The following CPEB4 variants were observed in gnomAD, a reference collection of about 807,000 sequenced individuals.
CPEB4 encodes the protein cytoplasmic polyadenylation element-binding protein 4.
A neutral mutation model predicts 72.5 loss-of-function variants in CPEB4; 12 were observed. That is an observed-to-expected ratio of 0.17 (90% CI 0.11 to 0.27). The LOEUF is 0.27. Among genes scored for constraint, CPEB4 ranks in the 10% least tolerant of loss-of-function variants. CPEB4 has a pLI of 1.00. For synonymous variants in CPEB4, 302 were observed against 326.3 expected (o/e 0.93, Z 0.80); for missense variants, 614 against 908.5 (o/e 0.68, Z 4.17).
At chr5:173,917,979 A>C (rs1756935453) in intron 2 of CPEB4, among the ~76,000 whole-genome samples, 1 of 152,226 alleles carries the variant, frequency 6.6e-6, no homozygotes, top group South Asian at 2.1e-4. Flanking sequence ...AAGTAATTCA[A>C]AGTAGCGTAA....
intron 1 of CPEB4, among the ~76,000 whole-genome samples, chr5:173,907,879 C>G (rs1347189185): frequency 1.3e-5 from 2 of 152,154 alleles, no homozygotes; most frequent in African/African-American, 4.8e-5. Context: ...GCACCATCAC[C>G]CTGTTGTGGT....
chr5:173,924,429 A>G (rs1757173652), intron 2 of CPEB4, among the ~76,000 whole-genome samples: 1 of 152,136 alleles, frequency 6.6e-6, no homozygotes, highest in African/African-American at 2.4e-5. Flanking sequence ...CTGAAGCTGA[A>G]ATATCCCCCA....
chr5:173,910,555 G>A lies in CPEB4; in HGVS notation c.1158G>A (p.Leu386=), dbSNP rs200768087. ...DRPRTFDMHS[L]ESSLIDIMRA... ...CCAGGACATTCGACATGCACTCACTGGAGAGTTCACTCATTGACATAATGA... is the reference window on the plus strand; with the variant it reads ...CCAGGACATTCGACATGCACTCACTAGAGAGTTCACTCATTGACATAATGA... Residue 386 remains leucine, a synonymous_variant, in exon 2 of 10, where the codon CTG becomes CTA. Coordinates refer to ENST00000265085, the MANE Select transcript of CPEB4 (RefSeq NM_030627.4). The A allele has an allele frequency of 1.6e-4, 258 of 1,613,620 alleles. No individual in the cohort carries two copies. Among genetic ancestry groups the A allele is most frequent in the Non-Finnish European group, 2.1e-4 (243 of 1,179,642 alleles).
At position 173,889,830 on chromosome 5, in the gene CPEB4, C is replaced by G; in HGVS notation, c.97C>G (p.His33Asp). Reference sequence around the variant, plus strand: ...CCATCCACATCTGCAGCCTCCACACCATCACCAAAATGCCACCCCCAGCCC... The same window carrying G: ...CCATCCACATCTGCAGCCTCCACACGATCACCAAAATGCCACCCCCAGCCC... ...RFHPHLQPPHHHQNATPSPAA... is the reference protein window; with the variant it reads ...RFHPHLQPPHDHQNATPSPAA... The change falls in exon 1 of 10, where the codon CAT (histidine) becomes GAT (aspartate). Residue 33 changes from histidine to aspartate, a missense_variant. By Grantham distance (81) the His-to-Asp change is moderately conservative. Around this residue, in one of 5 missense-constraint regions of CPEB4, gnomAD observed 458 missense variants for 548.6 expected, o/e 0.83. Transcript: ENST00000265085. 1 of 1,614,158 alleles carries G rather than the reference C, an allele frequency of 6.2e-7. No homozygotes were observed. Among genetic ancestry groups the G allele is most frequent in the Non-Finnish European group, 8.5e-7 (1 of 1,180,024 alleles).
At chr5:173,907,533 C>T (rs1013155626) in intron 1 of CPEB4, among the ~76,000 whole-genome samples, 16 of 152,128 alleles carry the variant, frequency 1.1e-4, no homozygotes, top group Non-Finnish European at 1.6e-4. Context: ...TCCTCCCCTC[C>T]CCCAAAAGAA....
At chr5:173,891,935 C>T (rs1020904369) in intron 1 of CPEB4, among the ~76,000 whole-genome samples, 5 of 151,332 alleles carry the variant, frequency 3.3e-5, no homozygotes, top group Non-Finnish European at 7.4e-5. Flanking sequence ...ATAACTTAGC[C>T]AAGGGTACAC....
rs570741084 is a variant in CPEB4, at chr5:173,923,024, T to C, written c.1208-9426T>C. On this transcript the variant is annotated intron_variant, in intron 2 of 9. Transcript: ENST00000265085. ...TAAGAGGAAAAGTAAGAACCCAGAG[T>C]ATTGATAGGAGAAAATAGGTAGTGG... 5.3e-5 allele frequency among the ~76,000 whole-genome samples: 8 copies of C among 152,280 alleles called. No individual in the cohort carries two copies. In the South Asian group the frequency reaches 1.7e-3, roughly 32 times the overall value.
chr5:173,948,587 G>A (rs1254548140), intron 5 of CPEB4, among the ~76,000 whole-genome samples: 1 of 152,138 alleles, frequency 6.6e-6, no homozygotes, highest in African/African-American at 2.4e-5. Context: ...ACATGATTCT[G>A]CTCATAGGAG....
intron 2 of CPEB4, among the ~76,000 whole-genome samples, chr5:173,911,830 G>A (rs11744026): frequency 6.6e-6 from 1 of 151,942 alleles, no homozygotes; most frequent in African/African-American, 2.4e-5. Context: ...GCCAGACATA[G>A]AGCTTTGCAC....
chr5:173,930,077 A>T (rs1369761063), intron 2 of CPEB4, among the ~76,000 whole-genome samples: 2 of 149,534 alleles, frequency 1.3e-5, no homozygotes, highest in African/African-American at 4.9e-5. Flanking sequence ...TTTTTGAGAC[A>T]GAGTTTTGTG....
chr5:173,897,901 C>T (rs1756080613), intron 1 of CPEB4, among the ~76,000 whole-genome samples: 1 of 152,116 alleles, frequency 6.6e-6, no homozygotes, highest in South Asian at 2.1e-4. Context: ...CATTCTATGA[C>T]AAAATGGTAC....
At chr5:173,917,358 T>C (rs1264348882) in intron 2 of CPEB4, among the ~76,000 whole-genome samples, 1 of 152,248 alleles carries the variant, frequency 6.6e-6, no homozygotes, top group Non-Finnish European at 1.5e-5. Context: ...ACTGGTACCC[T>C]AACCTCCAAC....
At chr5:173,930,400 C>T (rs1310171550) in intron 2 of CPEB4, among the ~76,000 whole-genome samples, 2 of 151,704 alleles carry the variant, frequency 1.3e-5, no homozygotes, top group African/African-American at 4.8e-5. Flanking sequence ...TTGCTCGTAG[C>T]ATCTCAAGTC....
intron 1 of CPEB4, among the ~76,000 whole-genome samples, chr5:173,896,484 A>G (rs111838341): frequency 2.0e-5 from 3 of 152,342 alleles, no homozygotes; most frequent in African/African-American, 7.2e-5. Context: ...AGATAGAAAG[A>G]TAAAGTTGTT....
chr5:173,890,202 C>A lies in CPEB4; in HGVS notation c.469C>A (p.Pro157Thr), dbSNP rs201792506. 5.6e-6 allele frequency: 9 copies of A among 1,614,170 alleles called. 1 individual carries two copies. In the Middle Eastern group the frequency reaches 4.9e-4, roughly 89 times the overall value. The change falls in exon 1 of 10, where the codon CCC (proline) becomes ACC (threonine). Residue 157 changes from proline (P) to threonine (T), a missense_variant. Physicochemically the swap from Pro to Thr is conservative, Grantham distance 38. Transcript: ENST00000265085. ...CACTGGGCTAGGTACTTCAACCCAACCCTTGACATCTAGCGCATCGTCTCT... is the reference window on the plus strand; with the variant it reads ...CACTGGGCTAGGTACTTCAACCCAAACCTTGACATCTAGCGCATCGTCTCT... ...EATGLGTSTQ[P>T]LTSSASSLTG... is the part of the protein sequence containing the mutation.
At chr5:173,927,670 G>A (rs534431074) in intron 2 of CPEB4, among the ~76,000 whole-genome samples, 2 of 152,144 alleles carry the variant, frequency 1.3e-5, no homozygotes, top group East Asian at 1.9e-4. Flanking sequence ...CCAGCTACTC[G>A]GGAGGCTGAG....
chr5:173,954,588 G>A (rs1290854137), intron 9 of CPEB4, among the ~76,000 whole-genome samples: 1 of 152,148 alleles, frequency 6.6e-6, no homozygotes, highest in Non-Finnish European at 1.5e-5. Context: ...GGTCAGGCCA[G>A]TTTCAAACTC....
Position 173,952,001 on chromosome 5 carries a change from A to G in CPEB4, c.1780+63A>G. ...CGCAAGAAATATGAAGATCTTCAGG[A>G]TAAATTTTTCCTAAGAATTGGAGTT... On this transcript the variant is annotated intron_variant, in intron 8 of 9. Transcript: ENST00000265085. The G allele has an allele frequency of 2.7e-6, 3 of 1,103,620 alleles. No individual in the cohort carries two copies. The highest frequency in any genetic ancestry group is 4.2e-6 in the Non-Finnish European group (3 of 722,288). 68.4% of individuals were successfully genotyped at this position (1,103,620 alleles called of 1,614,324 possible).
At chr5:173,952,508 G>A (rs1174483233) in intron 8 of CPEB4, among the ~76,000 whole-genome samples, 2 of 152,152 alleles carry the variant, frequency 1.3e-5, no homozygotes, top group South Asian at 4.1e-4. Context: ...GAGATAAAAA[G>A]ACATAACATG....
Sources: gnomAD v4.1 joint callset for allele counts (sites outside exome capture counted in the v4.1 genomes callset) on GRCh38, gnomAD v4.1.1 for gene constraint, gnomAD v4.1.1 regional missense constraint, MANE v1.5 for transcripts, NCBI Gene and HGNC (gene_info 2026-07-23, HGNC 2026-07-21) for gene names.